AGPS: variants seen among roughly 807,000 people sequenced by gnomAD.
The protein encoded by AGPS is alkyldihydroxyacetonephosphate synthase, peroxisomal.
AGPS carries 26 observed loss-of-function variants against 90.7 expected under a neutral mutation model. The observed-to-expected ratio is 0.29, with a 90% CI of 0.21 to 0.40. The LOEUF (loss-of-function observed/expected upper bound fraction) is 0.40. AGPS is among the 10% of genes least tolerant of loss of function. The probability of loss-of-function intolerance (pLI) is 1.00; values close to 1 mark genes in which losing one functional copy is unlikely to be tolerated. For missense variants in AGPS, 540 were observed against 816.1 expected (o/e 0.66, Z 4.12); for synonymous variants, 294 against 285.3 (o/e 1.03, Z -0.31).
chr2:177,537,870 G>T (rs1284982148), intron 19 of AGPS, among the ~76,000 whole-genome samples: 1 of 152,110 alleles, frequency 6.6e-6, no homozygotes, highest in African/African-American at 2.4e-5. Flanking sequence ...AGGAGACACT[G>T]TGGAGCACAG....
At chr2:177,451,436 T>A (rs1489495982) in intron 8 of AGPS, among the ~76,000 whole-genome samples, 2 of 152,196 alleles carry the variant, frequency 1.3e-5, no homozygotes, top group East Asian at 1.9e-4. Context: ...TTAACTTTTT[T>A]TTTGTAGATC....
chr2:177,494,149 C>G (rs1163114164), intron 12 of AGPS, among the ~76,000 whole-genome samples: 1 of 152,030 alleles, frequency 6.6e-6, no homozygotes, highest in Non-Finnish European at 1.5e-5. Flanking sequence ...AGTGATCGTT[C>G]AGTAATAAAT....
chr2:177,520,619 T>A (rs1266949973), intron 17 of AGPS, among the ~76,000 whole-genome samples: 2 of 152,222 alleles, frequency 1.3e-5, no homozygotes, highest in African/African-American at 4.8e-5. Flanking sequence ...TGAAAAGTAA[T>A]GGAGTTGTAC....
At chr2:177,422,701 T>C (rs1434940688) in intron 2 of AGPS, among the ~76,000 whole-genome samples, 6 of 152,132 alleles carry the variant, frequency 3.9e-5, no homozygotes, top group African/African-American at 1.4e-4. Flanking sequence ...TAAAATGAAA[T>C]AACAAAACAA....
chr2:177,512,020 G>A (rs1477265248), intron 16 of AGPS, among the ~76,000 whole-genome samples: 2 of 152,132 alleles, frequency 1.3e-5, no homozygotes, highest in African/African-American at 2.4e-5. Context: ...GCAGATGATT[G>A]TATTCTTAGA....
chr2:177,533,616 A>G (rs1202464921), intron 19 of AGPS, among the ~76,000 whole-genome samples: 3 of 152,192 alleles, frequency 2.0e-5, no homozygotes, highest in African/African-American at 7.2e-5. Context: ...TAAAAATAAT[A>G]TGTTTGTTAA....
chr2:177,479,112 T>C (rs1210575173), intron 10 of AGPS, among the ~76,000 whole-genome samples: 2 of 152,122 alleles, frequency 1.3e-5, no homozygotes, highest in African/African-American at 4.8e-5. Flanking sequence ...CATGTTTCTA[T>C]CTAAGTAACA....
At position 177,409,231 on chromosome 2, in the gene AGPS, G is replaced by GT. The variant is rs11305351; in HGVS notation, c.261-11029dup. Among the ~76,000 whole-genome samples, 836 of 149,490 alleles carry GT rather than the reference G, an allele frequency of 5.6e-3. 3 individuals carry two copies. The highest frequency in any genetic ancestry group is 9.7e-3 in the Admixed American group (145 of 14,978). ...AAAAACCCAACTACTGTTTTGTTTT[G>GT]TTTTTTTTTCTCACAATTGCAAGAT... On this transcript the variant is annotated intron_variant, in intron 1 of 19. Transcript: ENST00000264167.
chr2:177,406,353 A>T (rs1018539616), intron 1 of AGPS, among the ~76,000 whole-genome samples: 1 of 152,172 alleles, frequency 6.6e-6, no homozygotes, highest in African/African-American at 2.4e-5. Flanking sequence ...GTCAGTGGAG[A>T]TATATAGATA....
chr2:177,525,540 G>C (rs1296214227), intron 19 of AGPS, among the ~76,000 whole-genome samples: 1 of 152,146 alleles, frequency 6.6e-6, no homozygotes, highest in Admixed American at 6.5e-5. Context: ...TGTGGTTTCT[G>C]TGTTTATAAT....
At chr2:177,498,038 A>G (rs1201519378) in intron 13 of AGPS, among the ~76,000 whole-genome samples, 1 of 151,762 alleles carries the variant, frequency 6.6e-6, no homozygotes, top group Non-Finnish European at 1.5e-5. Flanking sequence ...TTTTTCCTTT[A>G]TGGAAGGTAT....
chr2:177,534,168 C>T lies in AGPS; in HGVS notation c.1856-3906C>T, dbSNP rs545349962. On this transcript the variant is annotated intron_variant, in intron 19 of 19. Transcript: ENST00000264167. ...GGTAGTTTCTGCTAAATCTTCAATC[C>T]GTTAAGCCTCAAAGAGTAGTTTCAG... 5.9e-5 allele frequency among the ~76,000 whole-genome samples: 9 copies of T among 152,278 alleles called. 1 individual carries two copies. In the South Asian group the frequency reaches 1.9e-3, roughly 32 times the overall value.
intron 3 of AGPS, among the ~76,000 whole-genome samples, chr2:177,436,194 C>T (rs1336613591): frequency 7.5e-5 from 9 of 120,686 alleles, no homozygotes; most frequent in Admixed American, 1.2e-4. Flanking sequence ...AGAGCTCTGT[C>T]GCTCTGGAGT....
chr2:177,399,496 T>G (rs1423141177), intron 1 of AGPS, among the ~76,000 whole-genome samples: 1 of 152,056 alleles, frequency 6.6e-6, no homozygotes, highest in East Asian at 1.9e-4. Flanking sequence ...GGTAAAAACA[T>G]TAGCTTTTTT....
At position 177,507,033 on chromosome 2, in the gene AGPS, C is replaced by T. The variant is rs1036798864; in HGVS notation, c.1546-937C>T. On this transcript the variant is annotated intron_variant, in intron 15 of 19. Transcript: ENST00000264167. Reference sequence around the variant, plus strand: ...TGAGTCAAAAGCAAGTTAGGGATTCCGCCCCCCCTACCCCGGGATTACATG... The same window carrying T: ...TGAGTCAAAAGCAAGTTAGGGATTCTGCCCCCCCTACCCCGGGATTACATG... Among the ~76,000 whole-genome samples the T allele has an allele frequency of 4.0e-5, 6 of 151,246 alleles. No individual in the cohort carries two copies. In the South Asian group the frequency reaches 6.3e-4, roughly 16 times the overall value.
rs968643352 is a variant in AGPS at position 177,458,079 on chromosome 2, G to A, written c.871-3814G>A. Reference sequence around the variant, plus strand: ...TAATCCATCACATAAACAGAACCAAGGACACAAACCACATGATAATCTCAA... The same window carrying A: ...TAATCCATCACATAAACAGAACCAAAGACACAAACCACATGATAATCTCAA... On this transcript the variant is annotated intron_variant, in intron 8 of 19. Coordinates refer to ENST00000264167, the MANE Select transcript of AGPS (RefSeq NM_003659.4). 7.9e-5 allele frequency among the ~76,000 whole-genome samples: 12 copies of A among 152,040 alleles called. 1 individual carries two copies. The highest frequency in any genetic ancestry group is 2.9e-4 in the African/African-American group (12 of 41,394).
At chr2:177,400,139 A>G (rs1274515891) in intron 1 of AGPS, among the ~76,000 whole-genome samples, 1 of 152,248 alleles carries the variant, frequency 6.6e-6, no homozygotes, top group African/African-American at 2.4e-5. Context: ...AAGAATTAAT[A>G]TATTTACTTT....
At chr2:177,433,597 A>G (rs1686305230) in intron 2 of AGPS, among the ~76,000 whole-genome samples, 1 of 152,094 alleles carries the variant, frequency 6.6e-6, no homozygotes. Flanking sequence ...TTGTCTAGTA[A>G]TATTGGAGTG....
chr2:177,512,036 T>C (rs1688889758), intron 16 of AGPS, among the ~76,000 whole-genome samples: 1 of 152,220 alleles, frequency 6.6e-6, no homozygotes, highest in Non-Finnish European at 1.5e-5. Context: ...TTAGATTTTT[T>C]TTAGACTACT....
Sources: allele counts gnomAD v4.1 joint callset (sites outside exome capture counted in the v4.1 genomes callset), GRCh38; gene constraint gnomAD v4.1.1; transcripts MANE v1.5; gene names NCBI Gene and HGNC (gene_info 2026-07-23, HGNC 2026-07-21).